The following ST8SIA5 variants were observed in gnomAD, a reference collection of about 807,000 sequenced individuals.
ST8SIA5 encodes alpha-2,8-sialyltransferase 8E.
Under a neutral mutation model 40.2 loss-of-function variants are expected in ST8SIA5, and 24 were observed. The observed-to-expected ratio is 0.60, with a 90% CI of 0.43 to 0.84. The LOEUF (loss-of-function observed/expected upper bound fraction) is 0.84. Among genes scored for constraint, ST8SIA5 ranks in the 40% least tolerant of loss-of-function variants. The probability of loss-of-function intolerance (pLI) is 0.00; values close to 1 mark genes in which losing one functional copy is unlikely to be tolerated. For missense variants in ST8SIA5, 465 were observed against 498.5 expected, an observed-to-expected ratio of 0.93 and a Z score of 0.64; for synonymous variants, 198 against 201.8, an observed-to-expected ratio of 0.98 and a Z score of 0.16.
At chr18:46,754,175 T>G (rs1362959867) in intron 1 of ST8SIA5, among the ~76,000 whole-genome samples, 1 of 152,118 alleles carries the variant, frequency 6.6e-6, no homozygotes, top group East Asian at 1.9e-4. Flanking sequence ...GACTAACCAA[T>G]GATTAAGCCA....
At chr18:46,753,097 C>T (rs1020492356) in intron 1 of ST8SIA5, among the ~76,000 whole-genome samples, 8 of 152,202 alleles carry the variant, frequency 5.3e-5, no homozygotes, top group Admixed American at 2.6e-4. Context: ...CTGCCCTCTT[C>T]GTCCCTTCCT....
chr18:46,686,917 G>A (rs1353996883), intron 4 of ST8SIA5, among the ~76,000 whole-genome samples: 3 of 152,002 alleles, frequency 2.0e-5, no homozygotes, highest in Non-Finnish European at 1.5e-5. Context: ...GAATTACCTG[G>A]GATACTTTCT....
chr18:46,710,064 C>T (rs2039707510), intron 1 of ST8SIA5, among the ~76,000 whole-genome samples: 1 of 152,168 alleles, frequency 6.6e-6, no homozygotes, highest in Admixed American at 6.5e-5. Flanking sequence ...GGGGAGGGCA[C>T]CCTGGCACCA....
intron 2 of ST8SIA5, among the ~76,000 whole-genome samples, chr18:46,699,487 C>T (rs185758086): frequency 0.011 from 1,715 of 152,084 alleles, 12 homozygotes; most frequent in South Asian, 0.019. Context: ...TCACGCCATT[C>T]TCCTGTCTCA....
intron 1 of ST8SIA5, among the ~76,000 whole-genome samples, chr18:46,753,535 G>T (rs7229768): frequency 0.56 from 84,167 of 150,132 alleles, 24,197 homozygotes; most frequent in East Asian, 0.69. Context: ...ATCGCGCCAC[G>T]GCACTCCAGC....
chr18:46,694,159 G>C (rs1204362032), intron 2 of ST8SIA5, among the ~76,000 whole-genome samples: 5 of 152,212 alleles, frequency 3.3e-5, no homozygotes, highest in Non-Finnish European at 7.3e-5. Flanking sequence ...GGGAGCACAA[G>C]ACACATTATA....
chr18:46,749,283 A>G (rs1268859918), intron 1 of ST8SIA5, among the ~76,000 whole-genome samples: 1 of 152,188 alleles, frequency 6.6e-6, no homozygotes, highest in African/African-American at 2.4e-5. Context: ...AATGTCCTAA[A>G]ATTGACTGTG....
chr18:46,753,445 C>A (rs7229343), intron 1 of ST8SIA5, among the ~76,000 whole-genome samples: 11 of 151,796 alleles, frequency 7.2e-5, no homozygotes, highest in South Asian at 2.1e-4. Flanking sequence ...GGTGGCAGGC[C>A]ACTGTAGTCC....
At chr18:46,723,304 C>T in intron 1 of ST8SIA5, 1 of 152,422 alleles carries the variant, frequency 6.6e-6, no homozygotes. Flanking sequence ...ATAATCCCAG[C>T]ACTTTGGGAG....
intron 1 of ST8SIA5, among the ~76,000 whole-genome samples, chr18:46,753,408 T>C (rs2040212898): frequency 6.6e-6 from 1 of 151,834 alleles, no homozygotes; most frequent in South Asian, 2.1e-4. Flanking sequence ...CCGTCTCTAC[T>C]AAAAATACAA....
intron 2 of ST8SIA5, 52 bp downstream of exon 2, chr18:46,704,520 C>T: frequency 6.5e-7 from 1 of 1,527,346 alleles, no homozygotes; most frequent in Non-Finnish European, 9.1e-7. Flanking sequence ...ACCCCCAACC[C>T]CTGCCCCACC....
intron 2 of ST8SIA5, among the ~76,000 whole-genome samples, chr18:46,703,495 G>T (rs1176468709): frequency 2.0e-5 from 3 of 152,214 alleles, no homozygotes; most frequent in Non-Finnish European, 4.4e-5. Flanking sequence ...GCTCAGAGAA[G>T]TTAAGACATT....
chr18:46,704,464 C>T (rs753684296), intron 2 of ST8SIA5, 108 bp downstream of exon 2: 179 of 991,980 alleles, frequency 1.8e-4, no homozygotes, highest in Non-Finnish European at 2.8e-4. Flanking sequence ...CTATAGGAAC[C>T]TACCATGTGT....
At position 46,680,008 on chromosome 18, in the gene ST8SIA5, G is replaced by C; in HGVS notation, c.*34C>G. On this transcript the variant is annotated 3_prime_UTR_variant, in exon 7 of 7. Transcript: ENST00000315087. ...CACCAGGAGGGACAGCAGGAGAGGG[G>C]GCGCCGCTTGCCGGGCAGCCTGGCT... is the stretch of plus-strand genomic sequence containing the variant. 3.2e-6 allele frequency: 5 copies of C among 1,570,126 alleles called. No homozygotes were observed. The highest frequency in any genetic ancestry group is 4.3e-6 in the Non-Finnish European group (5 of 1,157,146).
chr18:46,710,391 CTTTCTTTCTTTCTTTCTTTCTTTCTT>C (rs1451433998), intron 1 of ST8SIA5, among the ~76,000 whole-genome samples: 1 of 139,574 alleles, frequency 7.2e-6, no homozygotes, highest in African/African-American at 2.8e-5. Flanking sequence ...TTCTTTCTTT[CTTTCTTTCTTTCTTTCTTTCTTTCTT>C]TTTCTTTCTC....
intron 1 of ST8SIA5, chr18:46,721,328 C>T: frequency 1.3e-6 from 2 of 1,528,392 alleles, no homozygotes; most frequent in Admixed American, 3.9e-5. Flanking sequence ...GGTTGAGCTT[C>T]CCCCACTCCC....
intron 2 of ST8SIA5, among the ~76,000 whole-genome samples, chr18:46,695,432 C>T (rs1472373614): frequency 1.3e-5 from 2 of 152,168 alleles, no homozygotes; most frequent in Non-Finnish European, 2.9e-5. Flanking sequence ...GTTATTTAAC[C>T]TCTCTGAGTC....
chr18:46,687,648 TC>T (rs1317112634), intron 4 of ST8SIA5, among the ~76,000 whole-genome samples: 2 of 152,048 alleles, frequency 1.3e-5, no homozygotes, highest in Non-Finnish European at 1.5e-5. Context: ...CACCTGCAGC[TC>T]CTCCCCCACA....
chr18:46,743,496 A>C (rs1012099503), intron 1 of ST8SIA5, among the ~76,000 whole-genome samples: 1 of 152,208 alleles, frequency 6.6e-6, no homozygotes, highest in Non-Finnish European at 1.5e-5. Context: ...GAAATAAAGC[A>C]AGAAGACAAG....
Sources: gnomAD v4.1 joint callset for allele counts (sites outside exome capture counted in the v4.1 genomes callset) on GRCh38, gnomAD v4.1.1 for gene constraint, MANE v1.5 for transcripts, NCBI Gene and HGNC (gene_info 2026-07-23, HGNC 2026-07-21) for gene names.